The following ADGRL2 variants were observed in gnomAD, a reference collection of about 807,000 sequenced individuals.
ADGRL2 encodes adhesion G protein-coupled receptor L2, also known as calcium-independent alpha-latrotoxin receptor 2.
In ADGRL2, 44 loss-of-function variants were observed where a neutral mutation model predicts 157.4. The observed-to-expected ratio is 0.28, with a 90% CI of 0.22 to 0.36. ADGRL2 has a LOEUF of 0.36. ADGRL2 is among the 10% of genes least tolerant of loss of function. ADGRL2 has a pLI of 1.00. For synonymous variants in ADGRL2, 585 were observed against 624.7 expected, an observed-to-expected ratio of 0.94 and a Z score of 0.95; for missense variants, 1,510 against 1,768.9, an observed-to-expected ratio of 0.85 and a Z score of 2.63.
chr1:81,952,235 G>T, intron 9 of ADGRL2, 93 bp downstream of exon 9: 1 of 1,041,198 alleles, frequency 9.6e-7, no homozygotes, highest in Non-Finnish European at 1.3e-6. Flanking sequence ...CTTTGGCCCC[G>T]GGACATATAC....
chr1:81,553,660 T>A (rs150657811), intron 2 of ADGRL2, among the ~76,000 whole-genome samples: 40 of 152,296 alleles, frequency 2.6e-4, no homozygotes, highest in African/African-American at 9.4e-4. Context: ...AAAAAGACCA[T>A]AATGACACAG....
intron 1 of ADGRL2, among the ~76,000 whole-genome samples, chr1:81,748,486 A>G (rs1046369704): frequency 6.6e-6 from 1 of 150,888 alleles, no homozygotes; most frequent in African/African-American, 2.4e-5. Flanking sequence ...AAAAAAAAAA[A>G]AAAAAGAAAG....
intron 1 of ADGRL2, among the ~76,000 whole-genome samples, chr1:81,400,004 GT>G (rs1557659956): frequency 6.6e-6 from 1 of 151,458 alleles, no homozygotes; most frequent in Non-Finnish European, 1.5e-5. Flanking sequence ...TGTAGTGACT[GT>G]TTTTCCAGGT....
intron 3 of ADGRL2, among the ~76,000 whole-genome samples, chr1:81,627,629 T>C (rs2081936019): frequency 6.6e-6 from 1 of 152,112 alleles, no homozygotes; most frequent in Non-Finnish European, 1.5e-5. Flanking sequence ...ATATAATAAT[T>C]TTTGTATGAT....
chr1:81,751,348 C>T (rs2085483257), intron 1 of ADGRL2, among the ~76,000 whole-genome samples: 1 of 152,172 alleles, frequency 6.6e-6, no homozygotes, highest in South Asian at 2.1e-4. Flanking sequence ...TCAGTATTCA[C>T]ATCATGAGTA....
intron 5 of ADGRL2, among the ~76,000 whole-genome samples, chr1:81,942,606 A>G (rs183201265): frequency 2.6e-4 from 39 of 152,042 alleles, no homozygotes; most frequent in Middle Eastern, 3.4e-3. Flanking sequence ...GTTGAAAGGT[A>G]TAATGTTTGT....
rs1251998531 is a variant in ADGRL2, at chr1:81,950,173, C to T, written c.1211-16C>T. ...AGTGTGTGTTTGAGATTAATATACTCATCTTTTTTCCATAGTGCCTACCAC... is the reference window on the plus strand; with the variant it reads ...AGTGTGTGTTTGAGATTAATATACTTATCTTTTTTCCATAGTGCCTACCAC... On this transcript the variant is annotated splice_polypyrimidine_tract_variant and intron_variant, in intron 6 of 23. Transcript: ENST00000686636. 2.5e-6 allele frequency: 4 copies of T among 1,609,338 alleles called. No individual in the cohort carries two copies. The highest frequency in any genetic ancestry group is 3.4e-6 in the Non-Finnish European group (4 of 1,176,522).
intron 1 of ADGRL2, among the ~76,000 whole-genome samples, chr1:81,336,844 C>T (rs1029534480): frequency 6.6e-6 from 1 of 152,124 alleles, no homozygotes; most frequent in Non-Finnish European, 1.5e-5. Context: ...TCGAATGTTA[C>T]CTTTTCAAAA....
chr1:81,509,013 C>G (rs1275907641), intron 2 of ADGRL2, among the ~76,000 whole-genome samples: 1 of 152,174 alleles, frequency 6.6e-6, no homozygotes, highest in African/African-American at 2.4e-5. Context: ...AGTATCATAG[C>G]TCATCTTTCC....
chr1:81,717,311 A>C (rs1420430204), intron 1 of ADGRL2, among the ~76,000 whole-genome samples: 1 of 152,184 alleles, frequency 6.6e-6, no homozygotes, highest in Non-Finnish European at 1.5e-5. Flanking sequence ...TCCTTTGGAA[A>C]GAGGCACAGC....
chr1:81,859,249 T>G (rs2093311344), intron 2 of ADGRL2, among the ~76,000 whole-genome samples: 1 of 152,186 alleles, frequency 6.6e-6, no homozygotes, highest in African/African-American at 2.4e-5. Flanking sequence ...TTTATTTGTA[T>G]GAAAAGAAAT....
chr1:81,662,471 G>A (rs2082671679), intron 3 of ADGRL2, among the ~76,000 whole-genome samples: 1 of 151,856 alleles, frequency 6.6e-6, no homozygotes, highest in African/African-American at 2.4e-5. Context: ...GGGCAGGCTG[G>A]TCTCAAACTC....
intron 1 of ADGRL2, among the ~76,000 whole-genome samples, chr1:81,759,948 C>T (rs1010163394): frequency 6.6e-6 from 1 of 152,056 alleles, no homozygotes; most frequent in African/African-American, 2.4e-5. Context: ...TACTCATGCA[C>T]TCTCTTAGTG....
intron 1 of ADGRL2, among the ~76,000 whole-genome samples, chr1:81,371,188 G>T: frequency 6.6e-6 from 1 of 152,250 alleles, no homozygotes; most frequent in Middle Eastern, 3.4e-3. Context: ...TACTAGAACC[G>T]ACCACCTCAC....
At chr1:81,520,461 C>G (rs1301524757) in intron 2 of ADGRL2, among the ~76,000 whole-genome samples, 1 of 152,106 alleles carries the variant, frequency 6.6e-6, no homozygotes, top group Non-Finnish European at 1.5e-5. Context: ...TGTCCCCACC[C>G]AAATCTCACC....
At chr1:81,834,842 T>C (rs1415282067) in intron 1 of ADGRL2, among the ~76,000 whole-genome samples, 1 of 152,154 alleles carries the variant, frequency 6.6e-6, no homozygotes, top group African/African-American at 2.4e-5. Flanking sequence ...ATGATATGTA[T>C]TTTTAAAATT....
intron 1 of ADGRL2, among the ~76,000 whole-genome samples, chr1:81,416,615 A>G (rs1424380461): frequency 6.6e-6 from 1 of 152,204 alleles, no homozygotes; most frequent in Admixed American, 6.5e-5. Context: ...TTGTCTTCAT[A>G]TAATTGATAA....
At chr1:81,508,683 A>G (rs1164582332) in intron 2 of ADGRL2, among the ~76,000 whole-genome samples, 1 of 152,174 alleles carries the variant, frequency 6.6e-6, no homozygotes, top group Non-Finnish European at 1.5e-5. Context: ...TAGGGTATGC[A>G]CCCATGAGGC....
At chr1:81,602,651 C>T (rs2081355997) in intron 3 of ADGRL2, among the ~76,000 whole-genome samples, 1 of 151,544 alleles carries the variant, frequency 6.6e-6, no homozygotes, top group African/African-American at 2.4e-5. Flanking sequence ...GTAATCCCAG[C>T]ACTTTGGTAG....
Sources: gnomAD v4.1 joint callset for allele counts (sites outside exome capture counted in the v4.1 genomes callset) on GRCh38, gnomAD v4.1.1 for gene constraint, MANE v1.5 for transcripts, NCBI Gene and HGNC (gene_info 2026-07-23, HGNC 2026-07-21) for gene names.